The following ADCYAP1 variants were observed in gnomAD, a reference collection of about 807,000 sequenced individuals.
ADCYAP1 encodes adenylate cyclase activating polypeptide 1, also known as pituitary adenylate cyclase-activating polypeptide.
ADCYAP1 carries 6 observed loss-of-function variants against 18.5 expected under a neutral mutation model. That is an observed-to-expected ratio of 0.32 (90% CI 0.18 to 0.64). The LOEUF is 0.64. Ranked by LOEUF, ADCYAP1 falls within the 30% of genes least tolerant of loss-of-function variation. ADCYAP1 has a pLI of 0.77. For missense variants in ADCYAP1, 314 were observed against 253.6 expected (o/e 1.24, Z -1.62); for synonymous variants, 136 against 113.9 (o/e 1.19, Z -1.24).
At chr18:905,545 C>T (rs1456383137) in intron 2 of ADCYAP1, 49 bp downstream of exon 2, 1 of 1,589,366 alleles carries the variant, frequency 6.3e-7, no homozygotes, top group Non-Finnish European at 8.5e-7. Context: ...TTCCCAGGCA[C>T]AGACGCTTCC....
intron 2 of ADCYAP1, among the ~76,000 whole-genome samples, chr18:907,015 G>C (rs1909192798): frequency 6.6e-6 from 1 of 152,050 alleles, no homozygotes; most frequent in South Asian, 2.1e-4. Flanking sequence ...GGAGGGTGCG[G>C]ACGCGCCACA....
intron 3 of ADCYAP1, 54 bp from the exon 4 acceptor site, chr18:908,211 G>T: frequency 6.6e-7 from 1 of 1,512,252 alleles, no homozygotes; most frequent in Non-Finnish European, 9.1e-7. Context: ...GTCTCTAGCG[G>T]CCACCTGGGG....
At chr18:907,441 A>C in intron 2 of ADCYAP1, 1 of 414,508 alleles carries the variant, frequency 2.4e-6, no homozygotes, top group Non-Finnish European at 4.0e-6. Flanking sequence ...TTACCCGCGA[A>C]GGGGGGGTGG....
chr18:908,442 G>A (rs894729381), intron 4 of ADCYAP1, 79 bp downstream of exon 4: 2 of 1,258,810 alleles, frequency 1.6e-6, no homozygotes, highest in Admixed American at 2.0e-5. Flanking sequence ...GCGGCGGTGG[G>A]TGCCCGTGGG....
Position 909,107 on chromosome 18 carries a change from G to A in ADCYAP1, c.342-339G>A, listed in dbSNP as rs527972603. Among the ~76,000 whole-genome samples, 20 of 152,258 alleles carry A rather than the reference G, an allele frequency of 1.3e-4. No homozygotes were observed. In the South Asian group the frequency reaches 1.7e-3, roughly 13 times the overall value. ...TGTCGCGGGTGAGAGGAACAGCGAG[G>A]ACAATTTAGCGCAAACACACGAAGG... On this transcript the variant is annotated intron_variant, in intron 4 of 4. Coordinates refer to ENST00000450565, the MANE Select transcript of ADCYAP1 (RefSeq NM_001099733.2).
intron 2 of ADCYAP1, chr18:905,750 G>A: frequency 2.0e-6 from 1 of 511,120 alleles, no homozygotes; most frequent in Non-Finnish European, 3.5e-6. Flanking sequence ...GTGAGCTTCT[G>A]GCCGCTGGAG....
At chr18:907,635 C>G (rs1443686428) in intron 2 of ADCYAP1, 24 bp from the exon 3 acceptor site, 1 of 1,578,194 alleles carries the variant, frequency 6.3e-7, no homozygotes, top group Admixed American at 1.7e-5. Flanking sequence ...CTGACCACAC[C>G]TTCTGTCCCC....
At position 907,741 on chromosome 18, in the gene ADCYAP1, G is replaced by A; in HGVS notation, c.193G>A (p.Ala65Thr). 4 of 1,513,108 alleles carry A rather than the reference G, an allele frequency of 2.6e-6. No homozygotes were observed. Among genetic ancestry groups the A allele is most frequent in the Non-Finnish European group, 3.5e-6 (4 of 1,138,022 alleles). The allele number at this position is 1,513,108 out of a possible 1,614,324, so 93.7% of individuals were successfully genotyped here. ...GSEPPGAGSP[A>T]SAPRAAAAWY... ...GGAGCCGCCGGGCGCAGGGAGCCCC[G>A]CCTCCGCGCCGCGCGCCGCCGCCGC... Residue 65 changes from alanine to threonine, a missense_variant, in exon 3 of 5, where the codon GCC becomes ACC. Coordinates refer to ENST00000450565, the MANE Select transcript of ADCYAP1 (RefSeq NM_001099733.2).
chr18:905,255 A>C, intron 1 of ADCYAP1, 131 bp from the exon 2 acceptor site: 1 of 1,491,718 alleles, frequency 6.7e-7, no homozygotes, highest in East Asian at 2.3e-5. Flanking sequence ...GGCTGTCGCC[A>C]AGTGCTGTTC....
rs1008552170 is a variant in ADCYAP1, at chr18:912,044, G to T, written c.*2409G>T. 6.6e-5 allele frequency: 10 copies of T among 152,224 alleles called. No homozygotes were observed. The East Asian group carries it at 1.5e-3, about 23-fold the overall frequency. The allele number at this position is 152,224 out of a possible 1,614,324, so 9.4% of individuals were successfully genotyped here. A position where few individuals can be genotyped will look rare whatever the true frequency, so the allele number is the denominator to read the frequency against. On this transcript the variant is annotated 3_prime_UTR_variant, in exon 5 of 5. Coordinates refer to ENST00000450565, the MANE Select transcript of ADCYAP1 (RefSeq NM_001099733.2). ...ATGTTAGTCTTGAAGCTCTTATTTT[G>T]TGTGCAACTGATTATAAAAACACCT...
intron 4 of ADCYAP1, 110 bp downstream of exon 4, chr18:908,473 CCTGGGT>C: frequency 1.2e-6 from 1 of 863,092 alleles, no homozygotes; most frequent in Non-Finnish European, 1.7e-6. Context: ...AGTCTGCGCC[CCTGGGT>C]CTGGGGTGGG....
intron 2 of ADCYAP1, 139 bp from the exon 3 acceptor site, chr18:907,520 A>T (rs8192595): frequency 5.4e-6 from 5 of 917,690 alleles, no homozygotes; most frequent in Non-Finnish European, 6.2e-6. Flanking sequence ...TCCCACCCCC[A>T]GTCCTGGGAG....
chr18:904,869 G>A (rs1218180395), upstream of ADCYAP1: 8 of 1,287,764 alleles, frequency 6.2e-6, no homozygotes, highest in Non-Finnish European at 7.1e-6. Context: ...AAACTTTTGA[G>A]CAGAACACGA....
chr18:907,536 A>G, intron 2 of ADCYAP1, 123 bp from the exon 3 acceptor site: 1 of 1,049,484 alleles, frequency 9.5e-7, no homozygotes, highest in Non-Finnish European at 1.3e-6. Context: ...GGGAGAAGAG[A>G]CAATTCTCAG....
Position 911,297 on chromosome 18 carries a change from C to A in ADCYAP1, c.*1662C>A, listed in dbSNP as rs1598986796. On this transcript the variant is annotated 3_prime_UTR_variant, in exon 5 of 5. Coordinates refer to ENST00000450565, the MANE Select transcript of ADCYAP1 (RefSeq NM_001099733.2). ...AGAGTAATCTTTATAAACAAAAGAA[C>A]CTTCACCCAGCAATCAGATCGAGCA... 6.6e-6 allele frequency: 1 copy of A among 151,806 alleles called. No homozygotes were observed. The highest frequency in any genetic ancestry group is 1.9e-4 in the East Asian group (1 of 5,162). 9.4% of individuals were successfully genotyped at this position (151,806 alleles called of 1,614,324 possible).
upstream of ADCYAP1, chr18:904,662 G>C: frequency 4.1e-6 from 5 of 1,223,460 alleles, no homozygotes; most frequent in Non-Finnish European, 5.2e-6. Context: ...CTAGCCGCCC[G>C]CCCTCTCCCT....
At position 909,500 on chromosome 18, in the gene ADCYAP1, C is replaced by T; in HGVS notation, c.396C>T (p.His132=). ...ACGCGGAGCCGCTCTCCAAGCGCCACTCGGACGGGATCTTCACGGACAGCT... is the reference window on the plus strand; with the variant it reads ...ACGCGGAGCCGCTCTCCAAGCGCCATTCGGACGGGATCTTCACGGACAGCT... ...GDDAEPLSKR[H]SDGIFTDSYS... The change falls in exon 5 of 5, where the codon CAC becomes CAT. Residue 132 remains histidine (H), a synonymous_variant. Transcript: ENST00000450565. The T allele has an allele frequency of 6.2e-7, 1 of 1,613,742 alleles. No homozygotes were observed. Among genetic ancestry groups the T allele is most frequent in the Admixed American group, 1.7e-5 (1 of 60,028 alleles).
chr18:904,467 A>T, upstream of ADCYAP1: 1 of 1,289,154 alleles, frequency 7.8e-7, no homozygotes, highest in South Asian at 1.2e-5. Context: ...GGCTCTCCAA[A>T]AACCATGTTC....
At position 904,882 on chromosome 18, in the gene ADCYAP1, C is replaced by CTT. The variant is rs1199807672; in HGVS notation, c.-179_-178insTT. ...ACAAACTTTTGAGCAGAACACGAGCCTCGGCAAACGAGTCCCGCAGCTCCT... is the reference window on the plus strand; with the variant it reads ...ACAAACTTTTGAGCAGAACACGAGCCTTTCGGCAAACGAGTCCCGCAGCTCCT... On this transcript the variant is annotated 5_prime_UTR_variant, in exon 1 of 5. Transcript: ENST00000450565. 1.4e-5 allele frequency: 18 copies of CTT among 1,287,954 alleles called. No homozygotes were observed. The highest frequency in any genetic ancestry group is 1.6e-5 in the Non-Finnish European group (16 of 987,682). 79.8% of individuals were successfully genotyped at this position (1,287,954 alleles called of 1,614,324 possible).
Sources: gnomAD v4.1 joint callset for allele counts (sites outside exome capture counted in the v4.1 genomes callset) on GRCh38, gnomAD v4.1.1 for gene constraint, MANE v1.5 for transcripts, NCBI Gene and HGNC (gene_info 2026-07-23, HGNC 2026-07-21) for gene names.